The following ADGRG7 variants were observed in gnomAD, a reference collection of about 807,000 sequenced individuals.
The protein encoded by ADGRG7 is adhesion G protein-coupled receptor G7.
A neutral mutation model predicts 88.6 loss-of-function variants in ADGRG7; 82 were observed. That is an observed-to-expected ratio of 0.93 (90% confidence interval 0.77 to 1.11). The LOEUF (loss-of-function observed/expected upper bound fraction) is 1.11. Among genes scored for constraint, ADGRG7 ranks in the 50% most tolerant of loss-of-function variants. ADGRG7 has a pLI of 0.00. For missense variants in ADGRG7, 945 were observed against 953.4 expected, an observed-to-expected ratio of 0.99 and a Z score of 0.12; for synonymous variants, 381 against 345.2, an observed-to-expected ratio of 1.10 and a Z score of -1.15.
rs376681454 is a variant in ADGRG7, at chr3:100,630,725, A to G, written c.250A>G (p.Thr84Ala). 6.3e-6 allele frequency: 9 copies of G among 1,429,854 alleles called. No homozygotes were observed. The highest frequency in any genetic ancestry group is 7.4e-6 in the Non-Finnish European group (8 of 1,085,146). 88.6% of individuals were successfully genotyped at this position (1,429,854 alleles called of 1,614,324 possible). Reference protein sequence around the residue: ...CTIANFCENSTYMGFTFARIP... With the variant: ...CTIANFCENSAYMGFTFARIP... ...TACAGCTAATTTTTGTGAAAATAGT[A>G]CCTATATGGGTTTTACTTTTGCCAG... Residue 84 changes from threonine (T) to alanine (A), a missense_variant, in exon 3 of 16, where the codon ACC (threonine) becomes GCC (alanine). Transcript: ENST00000273352.
chr3:100,635,297 A>G (rs947392432), intron 4 of ADGRG7, among the ~76,000 whole-genome samples: 4 of 152,232 alleles, frequency 2.6e-5, no homozygotes, highest in African/African-American at 9.6e-5. Context: ...AAATTTTAGA[A>G]CTGTTAGATT....
chr3:100,635,761 A>G lies in ADGRG7; in HGVS notation c.532A>G (p.Asn178Asp). 1 of 1,614,034 alleles carries G rather than the reference A, an allele frequency of 6.2e-7. No individual in the cohort carries two copies. The highest frequency in any genetic ancestry group is 8.5e-7 in the Non-Finnish European group (1 of 1,179,902). ...TGATGCCAATAAATTAACTGCTGAG[A>G]ACATCACTAGTGCTACGCGAGTGGT... is the stretch of plus-strand genomic sequence containing the variant. ...TSDANKLTAE[N>D]ITSATRVVGQ... is the part of the protein sequence containing the mutation. The change falls in exon 5 of 16, where the codon AAC becomes GAC. Residue 178 changes from asparagine to aspartate, a missense_variant. By Grantham distance (23) the Asn-to-Asp change is conservative. Coordinates refer to ENST00000273352, the MANE Select transcript of ADGRG7 (RefSeq NM_032787.3).
In ADGRG7 at chr3:100,676,885, T is replaced by C. The variant is rs189935367; in HGVS notation, c.2136+7780T>C. ...TTTTCCTTTCTTTTTATAGTTTTTG[T>C]CTTGAAATCTATTTTTTCTAAGTAG... On this transcript the variant is annotated intron_variant, in intron 15 of 15. Transcript: ENST00000273352. Among the ~76,000 whole-genome samples, 1,017 of 152,214 alleles carry C rather than the reference T, an allele frequency of 6.7e-3. 11 individuals carry two copies. Among genetic ancestry groups the C allele is most frequent in the African/African-American group, 0.022 (923 of 41,582 alleles).
At chr3:100,643,698 ATT>A in intron 8 of ADGRG7, 65 bp downstream of exon 8, 1 of 1,053,754 alleles carries the variant, frequency 9.5e-7, no homozygotes, top group Non-Finnish European at 1.4e-6. Context: ...ATAACTTCTA[ATT>A]TACTCTAGGA....
chr3:100,646,183 T>C (rs1400134868), intron 9 of ADGRG7, 75 bp downstream of exon 9: 22 of 766,064 alleles, frequency 2.9e-5, no homozygotes, highest in Non-Finnish European at 4.2e-5. Context: ...TGAGACTGAG[T>C]AGAGTAATAC....
chr3:100,690,775 C>T (rs1217393866), intron 15 of ADGRG7, among the ~76,000 whole-genome samples: 2 of 152,202 alleles, frequency 1.3e-5, no homozygotes, highest in South Asian at 2.1e-4. Flanking sequence ...TCAGTCCGCC[C>T]CTACTTGGGG....
intron 14 of ADGRG7, among the ~76,000 whole-genome samples, chr3:100,661,168 G>A (rs546512366): frequency 2.6e-5 from 4 of 152,222 alleles, no homozygotes; most frequent in Admixed American, 2.0e-4. Flanking sequence ...ACAAAAAGCA[G>A]AAACTATTAA....
At chr3:100,676,302 C>T (rs1341397298) in intron 15 of ADGRG7, among the ~76,000 whole-genome samples, 1 of 151,792 alleles carries the variant, frequency 6.6e-6, no homozygotes, top group Non-Finnish European at 1.5e-5. Context: ...GTTGTGTTTC[C>T]ATTTTTACTT....
At chr3:100,626,135 T>C (rs1707377552) in intron 1 of ADGRG7, among the ~76,000 whole-genome samples, 1 of 152,212 alleles carries the variant, frequency 6.6e-6, no homozygotes, top group African/African-American at 2.4e-5. Context: ...TGAATCCGTG[T>C]GGTCCTGGGC....
At chr3:100,630,856 C>CA in intron 3 of ADGRG7, 47 bp downstream of exon 3, 4 of 1,048,738 alleles carry the variant, frequency 3.8e-6, no homozygotes, top group Admixed American at 2.9e-5. Context: ...AATTACTATG[C>CA]TGAGTCATAC....
At chr3:100,617,755 G>C (rs528834782) in intron 1 of ADGRG7, among the ~76,000 whole-genome samples, 56 of 152,120 alleles carry the variant, frequency 3.7e-4, no homozygotes, top group Non-Finnish European at 7.1e-4. Flanking sequence ...GGGTCAAATG[G>C]TATTTCTAGT....
Position 100,655,901 on chromosome 3 carries a change from G to A in ADGRG7, c.1729G>A (p.Val577Ile). ...ILFISLIGWGVPAIVVAITVG... is the reference protein window; with the variant it reads ...ILFISLIGWGIPAIVVAITVG... ...ATGTGCCTCTCTTTATCACATAGGA[G>A]TCCCAGCTATAGTAGTGGCTATAAC... Residue 577 changes from valine (V) to isoleucine (I), a missense_variant and splice_region_variant, in exon 13 of 16, where the codon GTC (valine) becomes ATC (isoleucine). Val to Ile is a conservative substitution (Grantham distance 29). Transcript: ENST00000273352. The A allele has an allele frequency of 6.4e-7, 1 of 1,556,622 alleles. No individual in the cohort carries two copies.
At chr3:100,628,564 C>G (rs58406467) in intron 1 of ADGRG7, among the ~76,000 whole-genome samples, 2,281 of 152,186 alleles carry the variant, frequency 0.015, 48 homozygotes, top group African/African-American at 0.051. Context: ...CCATATTGCT[C>G]AGGCTGGTCT....
intron 1 of ADGRG7, among the ~76,000 whole-genome samples, chr3:100,613,710 G>T (rs1298069405): frequency 6.6e-6 from 1 of 152,122 alleles, no homozygotes; most frequent in Non-Finnish European, 1.5e-5. Context: ...TAGAATCTTG[G>T]CTTAGTGGAT....
chr3:100,668,166 C>G (rs1193282920), intron 14 of ADGRG7, among the ~76,000 whole-genome samples: 1 of 152,218 alleles, frequency 6.6e-6, no homozygotes, highest in Non-Finnish European at 1.5e-5. Context: ...GTTGAAAATG[C>G]AGAAATCATC....
At chr3:100,694,421 A>G (rs2094998773) in intron 15 of ADGRG7, among the ~76,000 whole-genome samples, 1 of 152,240 alleles carries the variant, frequency 6.6e-6, no homozygotes, top group Non-Finnish European at 1.5e-5. Context: ...GGTATTTCAT[A>G]GTTAATCTTC....
chr3:100,635,819 C>T lies in ADGRG7; in HGVS notation c.590C>T (p.Ser197Leu). ...GQIFNTSRNA[S>L]PEAKKVAIVT... is the part of the protein sequence containing the mutation. Reference sequence around the variant, plus strand: ...ATATTCAACACTTCCAGAAATGCTTCACCTGAGGTAAAACTCACAGAGCTT... The same window carrying T: ...ATATTCAACACTTCCAGAAATGCTTTACCTGAGGTAAAACTCACAGAGCTT... Residue 197 changes from serine (S) to leucine (L), a missense_variant, in exon 5 of 16, where the codon TCA becomes TTA. Physicochemically the swap from Ser to Leu is moderately radical, Grantham distance 145 (BLOSUM62 -2). Coordinates refer to ENST00000273352, the MANE Select transcript of ADGRG7 (RefSeq NM_032787.3). The T allele has an allele frequency of 1.9e-6, 3 of 1,608,534 alleles. No homozygotes were observed. Among genetic ancestry groups the T allele is most frequent in the Non-Finnish European group, 2.5e-6 (3 of 1,178,576 alleles).
At chr3:100,672,487 T>G (rs1239195817) in intron 15 of ADGRG7, among the ~76,000 whole-genome samples, 1 of 152,206 alleles carries the variant, frequency 6.6e-6, no homozygotes, top group African/African-American at 2.4e-5. Flanking sequence ...AAACATACAA[T>G]CATGTCGTCT....
intron 10 of ADGRG7, among the ~76,000 whole-genome samples, chr3:100,647,541 T>C (rs914433904): frequency 2.0e-5 from 3 of 152,204 alleles, no homozygotes; most frequent in African/African-American, 7.2e-5. Flanking sequence ...TCTCCGTGTA[T>C]TCCTTAATTC....
Sources: allele counts gnomAD v4.1 joint callset (sites outside exome capture counted in the v4.1 genomes callset), GRCh38; gene constraint gnomAD v4.1.1; transcripts MANE v1.5; gene names NCBI Gene and HGNC (gene_info 2026-07-23, HGNC 2026-07-21).